The following SH3D19 variants were observed in gnomAD, a reference collection of about 807,000 sequenced individuals.
SH3D19 encodes the protein SH3 domain containing 19, also known as SH3 domain-containing protein 19.
A neutral mutation model predicts 112.1 loss-of-function variants in SH3D19; 58 were observed. That is an observed-to-expected ratio of 0.52 (90% confidence interval 0.42 to 0.64). The LOEUF (loss-of-function observed/expected upper bound fraction) is 0.64, where lower values mean the gene tolerates loss of function less well. SH3D19 is among the 30% of genes least tolerant of loss of function. SH3D19 has a pLI of 0.00. For synonymous variants in SH3D19, 391 were observed against 448.5 expected (o/e 0.87, Z 1.62); for missense variants, 1,090 against 1,263.4 (o/e 0.86, Z 2.08).
intron 1 of SH3D19, among the ~76,000 whole-genome samples, chr4:151,255,050 G>A (rs1184597770): frequency 2.7e-4 from 37 of 139,110 alleles, no homozygotes; most frequent in African/African-American, 8.9e-4. Flanking sequence ...CTCACCTCCC[G>A]GACGGGGCGG....
intron 1 of SH3D19, chr4:151,228,035 G>C (rs1769265698): frequency 1.0e-6 from 1 of 985,274 alleles, no homozygotes; most frequent in Non-Finnish European, 1.2e-6. Context: ...ATGGCTCACA[G>C]CTCTCCTTCG....
At chr4:151,237,611 A>T (rs1219444203) in intron 1 of SH3D19, among the ~76,000 whole-genome samples, 1 of 152,204 alleles carries the variant, frequency 6.6e-6, no homozygotes, top group Non-Finnish European at 1.5e-5. Flanking sequence ...CACATCTGTA[A>T]AATGGGGAAT....
chr4:151,149,913 C>T (rs1295865754), intron 9 of SH3D19, among the ~76,000 whole-genome samples: 2 of 151,718 alleles, frequency 1.3e-5, no homozygotes, highest in African/African-American at 4.8e-5. Context: ...TGGCCGGGCA[C>T]GGTGGCTCAC....
intron 1 of SH3D19, among the ~76,000 whole-genome samples, chr4:151,301,265 T>C (rs564212559): frequency 1.3e-5 from 2 of 152,378 alleles, no homozygotes; most frequent in South Asian, 4.1e-4. Flanking sequence ...TTTGCTCTTG[T>C]TGCCCAGGCT....
At chr4:151,322,019 T>C (rs1393460716) in intron 1 of SH3D19, among the ~76,000 whole-genome samples, 1 of 152,212 alleles carries the variant, frequency 6.6e-6, no homozygotes, top group African/African-American at 2.4e-5. Flanking sequence ...CCATCAACAG[T>C]AAATATTTCA....
intron 2 of SH3D19, among the ~76,000 whole-genome samples, chr4:151,222,890 C>A (rs1768327466): frequency 6.6e-6 from 1 of 151,928 alleles, no homozygotes; most frequent in Non-Finnish European, 1.5e-5. Context: ...TGGCCTCGAA[C>A]TCCTGACCTC....
intron 1 of SH3D19, among the ~76,000 whole-genome samples, chr4:151,302,094 C>T (rs1446193034): frequency 2.0e-5 from 3 of 152,166 alleles, no homozygotes; most frequent in African/African-American, 7.2e-5. Context: ...ATGTAACTTG[C>T]AGGACCCCCA....
At chr4:151,311,128 T>A (rs1466138057) in intron 1 of SH3D19, among the ~76,000 whole-genome samples, 2 of 151,392 alleles carry the variant, frequency 1.3e-5, no homozygotes, top group Non-Finnish European at 2.9e-5. Context: ...TGTATACATA[T>A]ATACATGTAT....
intron 3 of SH3D19, among the ~76,000 whole-genome samples, chr4:151,182,983 A>G (rs950544580): frequency 1.3e-5 from 2 of 150,902 alleles, no homozygotes; most frequent in Non-Finnish European, 2.9e-5. Context: ...AATTATTTTC[A>G]AACTTTTTCT....
intron 2 of SH3D19, among the ~76,000 whole-genome samples, chr4:151,214,210 CA>C (rs1766503279): frequency 6.6e-6 from 1 of 151,914 alleles, no homozygotes; most frequent in South Asian, 2.1e-4. Context: ...AACAGGATCC[CA>C]AGGCAGAAGA....
rs1312955629 is a variant in SH3D19 at position 151,303,161 on chromosome 4, C to T, written c.112+22080G>A. Among the ~76,000 whole-genome samples, 8 of 152,150 alleles carry T rather than the reference C, an allele frequency of 5.3e-5. No individual in the cohort carries two copies. In the East Asian group the frequency reaches 1.5e-3, roughly 29 times the overall value. On this transcript the variant is annotated intron_variant, in intron 1 of 19. Coordinates refer to ENST00000604030, the MANE Select transcript of SH3D19 (RefSeq NM_001378122.1). ...GGTTTTGATTATGTTAAACAGCTTT[C>T]AACAGTTTGGTTATAAATGAGGATT...
At chr4:151,125,845 C>CAAAAAAAAAAAAA (rs66688611) in intron 19 of SH3D19, among the ~76,000 whole-genome samples, 18 of 94,226 alleles carry the variant, frequency 1.9e-4, no homozygotes, top group East Asian at 5.9e-4. Flanking sequence ...ATCTCAAAAA[C>CAAAAAAAAAAAAA]AAAAAAAAAA....
chr4:151,280,060 G>C, intron 1 of SH3D19: 1 of 1,356,178 alleles, frequency 7.4e-7, no homozygotes, highest in Non-Finnish European at 1.0e-6. Context: ...AAAATAGGCA[G>C]GGCGGAAGGA....
intron 2 of SH3D19, among the ~76,000 whole-genome samples, chr4:151,190,701 C>T (rs1406828400): frequency 6.6e-6 from 1 of 152,206 alleles, no homozygotes; most frequent in Non-Finnish European, 1.5e-5. Flanking sequence ...TTTATGGAAA[C>T]ACCTGGATGT....
chr4:151,250,219 A>T (rs1026837973), intron 1 of SH3D19, among the ~76,000 whole-genome samples: 3 of 152,242 alleles, frequency 2.0e-5, no homozygotes, highest in Non-Finnish European at 4.4e-5. Flanking sequence ...ACAGCAAAAA[A>T]TAAAGAAAAT....
intron 1 of SH3D19, among the ~76,000 whole-genome samples, chr4:151,283,508 CT>C (rs5862956): frequency 0.38 from 47,724 of 126,288 alleles, 8,957 homozygotes; most frequent in Non-Finnish European, 0.41. Flanking sequence ...GGTCATTGGA[CT>C]TTTTTTTTTT....
intron 10 of SH3D19, among the ~76,000 whole-genome samples, chr4:151,148,488 T>G (rs1754346865): frequency 6.6e-6 from 1 of 152,204 alleles, no homozygotes; most frequent in Non-Finnish European, 1.5e-5. Flanking sequence ...TAAGGTCCCA[T>G]TTGCTCTTAA....
chr4:151,155,998 C>T (rs1350548892), intron 9 of SH3D19, among the ~76,000 whole-genome samples: 3 of 151,968 alleles, frequency 2.0e-5, no homozygotes, highest in Non-Finnish European at 4.4e-5. Context: ...AATTAATATA[C>T]AAATATCAGT....
At chr4:151,183,927 TACC>T (rs1761332402) in intron 3 of SH3D19, among the ~76,000 whole-genome samples, 1 of 152,224 alleles carries the variant, frequency 6.6e-6, no homozygotes, top group Non-Finnish European at 1.5e-5. Context: ...TCAGTTTCAC[TACC>T]ACATGTAAAA....
Sources: gnomAD v4.1 joint callset for allele counts (sites outside exome capture counted in the v4.1 genomes callset) on GRCh38, gnomAD v4.1.1 for gene constraint, MANE v1.5 for transcripts, NCBI Gene and HGNC (gene_info 2026-07-23, HGNC 2026-07-21) for gene names.